IGDCC3: variants seen among roughly 807,000 people sequenced by gnomAD.
IGDCC3 encodes putative neuronal cell adhesion molecule.
In IGDCC3, 47 loss-of-function variants were observed where a neutral mutation model predicts 72.0. The ratio of observed to expected loss-of-function variants is 0.65; its 90% CI spans 0.52 to 0.83. The LOEUF (loss-of-function observed/expected upper bound fraction) is 0.83. IGDCC3 is among the 40% of genes least tolerant of loss of function. IGDCC3 has a pLI of 0.00. For synonymous variants in IGDCC3, 477 were observed against 472.8 expected (o/e 1.01, Z -0.11); for missense variants, 1,038 against 1,091.3 (o/e 0.95, Z 0.69).
At chr15:65,332,626 A>C (rs979967784) in intron 6 of IGDCC3, among the ~76,000 whole-genome samples, 1 of 152,210 alleles carries the variant, frequency 6.6e-6, no homozygotes, top group Non-Finnish European at 1.5e-5. Flanking sequence ...TGCTAAACAA[A>C]TGGGCATTTA....
At chr15:65,367,600 A>G (rs1045709457) in intron 2 of IGDCC3, among the ~76,000 whole-genome samples, 1 of 152,094 alleles carries the variant, frequency 6.6e-6, no homozygotes, top group Non-Finnish European at 1.5e-5. Flanking sequence ...GCCACACCCA[A>G]ACACCCCAAA....
chr15:65,337,019 C>G (rs571021137), intron 2 of IGDCC3, among the ~76,000 whole-genome samples: 3 of 152,256 alleles, frequency 2.0e-5, no homozygotes, highest in Non-Finnish European at 4.4e-5. Context: ...AGCCCTCCCC[C>G]ACAGCAGCAG....
intron 4 of IGDCC3, 99 bp downstream of exon 4, chr15:65,335,192 A>G: frequency 3.8e-6 from 5 of 1,330,150 alleles, no homozygotes; most frequent in Non-Finnish European, 5.2e-6. Flanking sequence ...CACGTGGCTG[A>G]GAAGGCTGCA....
chr15:65,366,688 C>A (rs1182996505), intron 2 of IGDCC3, among the ~76,000 whole-genome samples: 1 of 152,214 alleles, frequency 6.6e-6, no homozygotes, highest in Non-Finnish European at 1.5e-5. Context: ...CCTGGCCCCC[C>A]ACCGGCTTGC....
At chr15:65,344,431 AC>A (rs1251368374) in intron 2 of IGDCC3, among the ~76,000 whole-genome samples, 1 of 152,080 alleles carries the variant, frequency 6.6e-6, no homozygotes, top group Non-Finnish European at 1.5e-5. Context: ...CCCAATTCTG[AC>A]ACAAAAGGCA....
Position 65,329,789 on chromosome 15 carries a change from A to G in IGDCC3, c.1934T>C (p.Ile645Thr). The change falls in exon 12 of 14, where the codon ATC (isoleucine) becomes ACC (threonine). Residue 645 changes from isoleucine to threonine, a missense_variant. Physicochemically the swap from Ile to Thr is moderately conservative, Grantham distance 89. Coordinates refer to ENST00000327987, the MANE Select transcript of IGDCC3 (RefSeq NM_004884.4). This position sits in a 1 kb window ranked among gnomAD's most constrained non-coding sequence, Gnocchi z 4.1. ...QTSTTGIVIGIHIGVTCIIFC... is the reference protein window; with the variant it reads ...QTSTTGIVIGTHIGVTCIIFC... ...GATGATGCAAGTGACCCCGATGTGG[A>G]TGCCGATGACGATGCCTGTGGTGGA... The G allele has an allele frequency of 6.2e-7, 1 of 1,614,166 alleles. No homozygotes were observed. Among genetic ancestry groups the G allele is most frequent in the Non-Finnish European group, 8.5e-7 (1 of 1,180,026 alleles).
At chr15:65,330,947 G>A (rs1415259684) in intron 9 of IGDCC3, 103 bp downstream of exon 9, 16 of 1,381,596 alleles carry the variant, frequency 1.2e-5, no homozygotes, top group African/African-American at 5.8e-5. Context: ...CCTCAGGGCC[G>A]GGCACCCTGC....
chr15:65,351,319 A>G (rs979182619), intron 2 of IGDCC3, among the ~76,000 whole-genome samples: 88 of 152,278 alleles, frequency 5.8e-4, no homozygotes, highest in African/African-American at 1.7e-3. Context: ...GGCAGATCAC[A>G]AGGTCAGGAG....
chr15:65,341,024 C>T (rs746953406), intron 2 of IGDCC3, among the ~76,000 whole-genome samples: 1 of 152,200 alleles, frequency 6.6e-6, no homozygotes, highest in African/African-American at 2.4e-5. Context: ...CCACCATGCC[C>T]GGCCCACATT....
chr15:65,328,852 T>C lies in IGDCC3; in HGVS notation c.*57A>G, dbSNP rs1366410048. 2.7e-6 allele frequency: 4 copies of C among 1,487,526 alleles called. No homozygotes were observed. The highest frequency in any genetic ancestry group is 3.6e-6 in the Non-Finnish European group (4 of 1,119,200). 92.1% of individuals were successfully genotyped at this position (1,487,526 alleles called of 1,614,324 possible). A position where few individuals can be genotyped will look rare whatever the true frequency, so the allele number is the denominator to read the frequency against. On this transcript the variant is annotated 3_prime_UTR_variant, in exon 14 of 14. Coordinates refer to ENST00000327987, the MANE Select transcript of IGDCC3 (RefSeq NM_004884.4). Reference sequence around the variant, plus strand: ...TCCCACATGACAGTAGAAATCTTGCTTTTGACCTGAGAATGGGCCCCGCTC... The same window carrying C: ...TCCCACATGACAGTAGAAATCTTGCCTTTGACCTGAGAATGGGCCCCGCTC...
At chr15:65,353,335 CT>C (rs964235433) in intron 2 of IGDCC3, among the ~76,000 whole-genome samples, 2 of 151,442 alleles carry the variant, frequency 1.3e-5, no homozygotes, top group African/African-American at 4.8e-5. Context: ...ACTGCAACCT[CT>C]GCCTCCCGGG....
chr15:65,334,443 G>A, intron 5 of IGDCC3: 1 of 416,830 alleles, frequency 2.4e-6, no homozygotes, highest in Non-Finnish European at 4.2e-6. Flanking sequence ...AGGGTGCTGG[G>A]GTCCCCGAGG....
chr15:65,377,822 G>C lies in IGDCC3; in HGVS notation c.-34C>G, dbSNP rs572730303. ...CGGTCAGCTCGGCTCGGCGACGCGC[G>C]GCTCCCGGGCCTCTCGCGGCTCACA... On this transcript the variant is annotated 5_prime_UTR_variant, in exon 1 of 14. Transcript: ENST00000327987. This position sits in a 1 kb window ranked among gnomAD's most constrained non-coding sequence, Gnocchi z 4.9. The C allele has an allele frequency of 4.3e-6, 5 of 1,169,274 alleles. No individual in the cohort carries two copies. In the South Asian group the frequency reaches 2.1e-4, roughly 49 times the overall value. The allele number at this position is 1,169,274 out of a possible 1,614,324, so 72.4% of individuals were successfully genotyped here. A position where few individuals can be genotyped will look rare whatever the true frequency, so the allele number is the denominator to read the frequency against.
At chr15:65,335,554 G>C in intron 3 of IGDCC3, 133 bp from the exon 4 acceptor site, 1 of 999,686 alleles carries the variant, frequency 1.0e-6, no homozygotes, top group Non-Finnish European at 1.5e-6. Context: ...CACACACTGG[G>C]ACTTTCAAAG....
intron 2 of IGDCC3, among the ~76,000 whole-genome samples, chr15:65,369,144 T>C (rs1274089946): frequency 2.0e-5 from 3 of 152,002 alleles, no homozygotes; most frequent in African/African-American, 7.3e-5. Flanking sequence ...GAGGAAGATA[T>C]GACTGTAAGC....
chr15:65,373,283 G>A (rs931369910), intron 2 of IGDCC3, among the ~76,000 whole-genome samples: 2 of 152,076 alleles, frequency 1.3e-5, no homozygotes, highest in Admixed American at 1.3e-4. Flanking sequence ...TCTTACCGGG[G>A]TCCCCACCCT....
chr15:65,358,331 C>T (rs2091239108), intron 2 of IGDCC3, among the ~76,000 whole-genome samples: 5 of 151,954 alleles, frequency 3.3e-5, no homozygotes, highest in Admixed American at 3.3e-4. Context: ...GTCTCTAACT[C>T]CTGGGTTCAA....
chr15:65,328,345 A>AG lies in IGDCC3; in HGVS notation c.*563dup, dbSNP rs937513299. On this transcript the variant is annotated 3_prime_UTR_variant, in exon 14 of 14. Transcript: ENST00000327987. Reference sequence around the variant, plus strand: ...TCTGGACAACAGTGTGGGAAGGGAGAGGGGGTCCCCAGCAAGGGGACTTGA... The same window carrying AG: ...TCTGGACAACAGTGTGGGAAGGGAGAGGGGGGTCCCCAGCAAGGGGACTTGA... 4.4e-5 allele frequency: 3 copies of AG among 67,738 alleles called. No individual in the cohort carries two copies. The highest frequency in any genetic ancestry group is 8.3e-5 in the Non-Finnish European group (3 of 36,004). 4.2% of individuals were successfully genotyped at this position (67,738 alleles called of 1,614,324 possible). A position where few individuals can be genotyped will look rare whatever the true frequency, so the allele number is the denominator to read the frequency against.
At chr15:65,363,514 C>T (rs576804000) in intron 2 of IGDCC3, among the ~76,000 whole-genome samples, 5 of 152,318 alleles carry the variant, frequency 3.3e-5, no homozygotes, top group African/African-American at 4.8e-5. Context: ...GAGTCGGCCC[C>T]GTGGGCGTGT....
Sources: gnomAD v4.1 joint callset for allele counts (sites outside exome capture counted in the v4.1 genomes callset) on GRCh38, gnomAD v4.1.1 for gene constraint, Gnocchi (gnomAD v3.1) non-coding constraint, MANE v1.5 for transcripts, NCBI Gene and HGNC (gene_info 2026-07-23, HGNC 2026-07-21) for gene names.